The following UCN3 variants were observed in gnomAD, a reference collection of about 807,000 sequenced individuals.
The protein encoded by UCN3 is urocortin 3.
Under a neutral mutation model 3.6 loss-of-function variants are expected in UCN3, and 3 were observed. The ratio of observed to expected loss-of-function variants is 0.83; its 90% CI spans 0.38 to 2.15. The LOEUF (loss-of-function observed/expected upper bound fraction) is 2.15, where lower values mean the gene tolerates loss of function less well. Among genes scored for constraint, UCN3 ranks in the 30% most tolerant of loss-of-function variants. The probability of loss-of-function intolerance (pLI) is 0.06; values close to 1 mark genes in which losing one functional copy is unlikely to be tolerated. For synonymous variants in UCN3, 100 were observed against 93.2 expected (o/e 1.07, Z -0.42); for missense variants, 206 against 208.3 (o/e 0.99, Z 0.07).
chr10:5,370,589 A>T (rs1202787405), intron 1 of UCN3, among the ~76,000 whole-genome samples: 1 of 79,310 alleles, frequency 1.3e-5, no homozygotes, highest in Non-Finnish European at 2.4e-5. Context: ...ATGTGTGTAT[A>T]TGTGTGTGTG....
At chr10:5,369,376 T>C (rs1197029177) in intron 1 of UCN3, among the ~76,000 whole-genome samples, 6 of 152,236 alleles carry the variant, frequency 3.9e-5, no homozygotes, top group African/African-American at 1.2e-4. Context: ...TGATTGAGCA[T>C]CTGCTCAGAC....
intron 1 of UCN3, among the ~76,000 whole-genome samples, chr10:5,371,068 T>A (rs1157943227): frequency 6.7e-6 from 1 of 149,996 alleles, no homozygotes; most frequent in Non-Finnish European, 1.5e-5. Context: ...TATGTACGTG[T>A]GAGGTGTGTA....
intron 1 of UCN3, among the ~76,000 whole-genome samples, chr10:5,370,116 T>C (rs1370444951): frequency 1.0e-5 from 1 of 98,156 alleles, no homozygotes; most frequent in African/African-American, 5.4e-5. Context: ...TGTATATGTG[T>C]GTGTATGTGT....
intron 1 of UCN3, among the ~76,000 whole-genome samples, chr10:5,369,269 C>T (rs1831299560): frequency 6.6e-6 from 1 of 152,170 alleles, no homozygotes; most frequent in Non-Finnish European, 1.5e-5. Context: ...ATTGTGTATA[C>T]ACAACTGTGT....
rs1293923540 is a variant in UCN3, at chr10:5,366,273, G to A, written c.-7+1043G>A. On this transcript the variant is annotated intron_variant, in intron 1 of 1. Coordinates refer to ENST00000380433, the MANE Select transcript of UCN3 (RefSeq NM_053049.4). The surrounding 1 kb of genome is among the most constrained non-coding windows in gnomAD (Gnocchi z 4.2). ...AACTGTGTCTCTTTACAGCATCCTC[G>A]ACAAGTGCTACTGTCACCATAGCCC... 2.0e-5 allele frequency among the ~76,000 whole-genome samples: 3 copies of A among 152,150 alleles called. No individual in the cohort carries two copies. The highest frequency in any genetic ancestry group is 7.2e-5 in the African/African-American group (3 of 41,440).
chr10:5,365,082 A>C lies in UCN3; in HGVS notation c.-155A>C, dbSNP rs1834103144. The C allele has an allele frequency of 6.6e-6, 1 of 152,340 alleles. No individual in the cohort carries two copies. Among genetic ancestry groups the C allele is most frequent in the Non-Finnish European group, 1.5e-5 (1 of 68,154 alleles). 9.4% of individuals were successfully genotyped at this position (152,340 alleles called of 1,614,324 possible). A position where few individuals can be genotyped will look rare whatever the true frequency, so the allele number is the denominator to read the frequency against. On this transcript the variant is annotated 5_prime_UTR_variant, in exon 1 of 2. Coordinates refer to ENST00000380433, the MANE Select transcript of UCN3 (RefSeq NM_053049.4). This position sits in a 1 kb window ranked among gnomAD's most constrained non-coding sequence, Gnocchi z 4.4. ...CGTTTCCATAGAGAGGGAATATCAC[A>C]GCCCACTTAGGAACAATACCGGAGA...
chr10:5,370,180 CGTGTGTATATGCGT>C (rs1831344426), intron 1 of UCN3, among the ~76,000 whole-genome samples: 1 of 14,360 alleles, frequency 7.0e-5, no homozygotes. Context: ...TGTGTATATG[CGTGTGTATATGCGT>C]GTGTATATGC....
intron 1 of UCN3, among the ~76,000 whole-genome samples, chr10:5,369,893 G>A (rs1367815105): frequency 7.0e-6 from 1 of 142,498 alleles, no homozygotes; most frequent in Non-Finnish European, 1.5e-5. Context: ...GTATATGTGT[G>A]TGTGTATATG....
chr10:5,366,511 C>T lies in UCN3; in HGVS notation c.-7+1281C>T, dbSNP rs1458067172. Among the ~76,000 whole-genome samples the T allele has an allele frequency of 1.3e-4, 20 of 152,152 alleles. No individual in the cohort carries two copies. The highest frequency in any genetic ancestry group is 4.8e-4 in the African/African-American group (20 of 41,420). Reference sequence around the variant, plus strand: ...AAAATTAGACTTTATGTGGGAAGTACAGAGTATCTTTTCTTCTTTGGGGAG... The same window carrying T: ...AAAATTAGACTTTATGTGGGAAGTATAGAGTATCTTTTCTTCTTTGGGGAG... On this transcript the variant is annotated intron_variant, in intron 1 of 1. Transcript: ENST00000380433. The surrounding 1 kb of genome is among the most constrained non-coding windows in gnomAD (Gnocchi z 4.2).
rs1831471981 is a variant in UCN3 at position 5,374,194 on chromosome 10, G to C, written c.474G>C (p.Gly158=). The change falls in exon 2 of 2, where the codon GGG becomes GGC. Residue 158 remains glycine, a synonymous_variant. Transcript: ENST00000380433. ...ATGCCCACCTGATGGCGCAAATTGG[G>C]AGGAAGAAGTAGAGGCGGAGGCTGG... is the stretch of plus-strand genomic sequence containing the variant. ...AANAHLMAQI[G]RKK is the part of the protein sequence containing the mutation. 6.3e-7 allele frequency: 1 copy of C among 1,584,106 alleles called. No homozygotes were observed. The highest frequency in any genetic ancestry group is 1.1e-5 in the South Asian group (1 of 90,418).
At chr10:5,369,532 A>C (rs558420763) in intron 1 of UCN3, among the ~76,000 whole-genome samples, 1 of 152,358 alleles carries the variant, frequency 6.6e-6, no homozygotes, top group East Asian at 1.9e-4. Flanking sequence ...ATAAGGAAAT[A>C]AGGACGAAGA....
At position 5,370,867 on chromosome 10, in the gene UCN3, G is replaced by GTGTATATGTGTGTA. The variant is rs1831407238; in HGVS notation, c.-6-2847_-6-2846insGTATATGTGTGTAT. ...TGTGTGTGCGCGTGTGTGTGCGTGT[G>GTGTATATGTGTGTA]TATGTGTGTGTATATGCGTGTGTAT... On this transcript the variant is annotated intron_variant, in intron 1 of 1. Transcript: ENST00000380433. 5.7e-4 allele frequency among the ~76,000 whole-genome samples: 51 copies of GTGTATATGTGTGTA among 89,930 alleles called. 1 individual carries two copies. Among genetic ancestry groups the GTGTATATGTGTGTA allele is most frequent in the South Asian group, 3.8e-3 (8 of 2,098 alleles). 59.0% of individuals were successfully genotyped at this position (89,930 alleles called of 152,430 possible). A position where few individuals can be genotyped will look rare whatever the true frequency, so the allele number is the denominator to read the frequency against.
chr10:5,373,953 A>G lies in UCN3; in HGVS notation c.233A>G (p.Lys78Arg). 1 of 1,611,558 alleles carries G rather than the reference A, an allele frequency of 6.2e-7. No individual in the cohort carries two copies. The highest frequency in any genetic ancestry group is 8.5e-7 in the Non-Finnish European group (1 of 1,178,842). ...SSGEEEEGKE[K>R]KTFPISGARG... The stretch of plus-strand genomic sequence containing the variant: ...GGAGAGGAGGAGGAGGGCAAAGAGA[A>G]AAAGACTTTCCCCATCTCTGGGGCC... Residue 78 changes from lysine (K) to arginine (R), a missense_variant, in exon 2 of 2, where the codon AAA becomes AGA. Physicochemically the swap from Lys to Arg is conservative, Grantham distance 26. Transcript: ENST00000380433.
intron 1 of UCN3, among the ~76,000 whole-genome samples, chr10:5,373,398 A>T (rs1831455946): frequency 6.6e-6 from 1 of 152,202 alleles, no homozygotes; most frequent in Non-Finnish European, 1.5e-5. Flanking sequence ...TGCAAAGCTG[A>T]ATTAAATAAA....
At position 5,367,981 on chromosome 10, in the gene UCN3, A is replaced by G. The variant is rs1018343207; in HGVS notation, c.-7+2751A>G. 4.6e-5 allele frequency among the ~76,000 whole-genome samples: 7 copies of G among 152,160 alleles called. No individual in the cohort carries two copies. The highest frequency in any genetic ancestry group is 7.4e-5 in the Non-Finnish European group (5 of 67,982). ...GGCCTGAGGGTAGCTCCAGGGTTGC[A>G]TCTCAGCACCCTCTAATTTTTTTAA... On this transcript the variant is annotated intron_variant, in intron 1 of 1. Coordinates refer to ENST00000380433, the MANE Select transcript of UCN3 (RefSeq NM_053049.4). The surrounding 1 kb of genome is among the most constrained non-coding windows in gnomAD (Gnocchi z 4.3).
intron 1 of UCN3, among the ~76,000 whole-genome samples, chr10:5,369,857 A>AAGTG (rs1831313239): frequency 1.5e-5 from 2 of 133,730 alleles, no homozygotes; most frequent in Admixed American, 7.4e-5. Context: ...ACATTTATCC[A>AAGTG]CGTGGGTGTG....
intron 1 of UCN3, among the ~76,000 whole-genome samples, chr10:5,372,812 C>T (rs904227684): frequency 6.6e-6 from 1 of 151,552 alleles, no homozygotes; most frequent in East Asian, 1.9e-4. Context: ...ACCTCGGCAT[C>T]CCACAGTGCT....
In UCN3 at chr10:5,373,842, C is replaced by G. The variant is rs201053453; in HGVS notation, c.122C>G (p.Ser41Cys). The G allele has an allele frequency of 7.2e-5, 117 of 1,614,096 alleles. No individual in the cohort carries two copies. Among genetic ancestry groups the G allele is most frequent in the African/African-American group, 2.7e-4 (20 of 75,046 alleles). The stretch of plus-strand genomic sequence containing the variant: ...TTCAGCTGCCTCAACACCGCCCTGT[C>G]TGAGGCTGAGAAGGGCCAGTGGGAG... ...PIFSCLNTAL[S>C]EAEKGQWEDA... is the part of the protein sequence containing the mutation. Residue 41 changes from serine (S) to cysteine (C), a missense_variant, in exon 2 of 2, where the codon TCT (serine) becomes TGT (cysteine). Physicochemically the swap from Ser to Cys is moderately radical, Grantham distance 112. Transcript: ENST00000380433.
intron 1 of UCN3, among the ~76,000 whole-genome samples, chr10:5,371,434 G>A (rs1390691313): frequency 3.9e-5 from 6 of 152,040 alleles, no homozygotes; most frequent in Non-Finnish European, 8.8e-5. Flanking sequence ...ATGTTCCTGT[G>A]CGTCCTGTGT....
Sources: allele counts gnomAD v4.1 joint callset (sites outside exome capture counted in the v4.1 genomes callset), GRCh38; gene constraint gnomAD v4.1.1; non-coding constraint Gnocchi (gnomAD v3.1); transcripts MANE v1.5; gene names NCBI Gene and HGNC (gene_info 2026-07-23, HGNC 2026-07-21).